Variants in CTNNBIP1 observed in about 807,000 individuals in gnomAD.
The protein encoded by CTNNBIP1 is catenin beta interacting protein 1.
A neutral mutation model predicts 11.8 loss-of-function variants in CTNNBIP1; 7 were observed. The observed-to-expected ratio is 0.60, with a 90% CI of 0.34 to 1.12. The LOEUF (loss-of-function observed/expected upper bound fraction) is 1.12, where lower values mean the gene tolerates loss of function less well. Among genes scored for constraint, CTNNBIP1 ranks in the 50% most tolerant of loss-of-function variants. The pLI is 0.03. For synonymous variants in CTNNBIP1, 58 were observed against 43.9 expected (o/e 1.32, Z -1.26); for missense variants, 101 against 113.4 (o/e 0.89, Z 0.50).
intron 1 of CTNNBIP1, among the ~76,000 whole-genome samples, chr1:9,899,809 C>T (rs985448185): frequency 2.6e-5 from 4 of 151,916 alleles, no homozygotes; most frequent in Non-Finnish European, 5.9e-5. Flanking sequence ...CATGGTGGCT[C>T]ACGCCTGTAA....
intron 1 of CTNNBIP1, among the ~76,000 whole-genome samples, chr1:9,903,947 C>T (rs1639571148): frequency 2.0e-5 from 3 of 152,188 alleles, no homozygotes; most frequent in Admixed American, 6.5e-5. Flanking sequence ...CCAACTAGCT[C>T]GACCTCAAAC....
rs538561556 is a variant in CTNNBIP1 at position 9,851,853 on chromosome 1, C to A, written c.188-1077G>T. ...CCACAACTGCCTGGGGAGTTAGGGG[C>A]TGACATGGCCAGGGAGGGGCTGTGG... On this transcript the variant is annotated intron_variant, in intron 5 of 5. Coordinates refer to ENST00000377263, the MANE Select transcript of CTNNBIP1 (RefSeq NM_020248.3). The surrounding 1 kb of genome is among the most constrained non-coding windows in gnomAD (Gnocchi z 4.8). Among the ~76,000 whole-genome samples the A allele has an allele frequency of 6.6e-6, 1 of 152,310 alleles. No individual in the cohort carries two copies. The highest frequency in any genetic ancestry group is 1.9e-4 in the East Asian group (1 of 5,184).
chr1:9,908,830 C>A (rs747171080), intron 1 of CTNNBIP1, among the ~76,000 whole-genome samples: 6 of 152,166 alleles, frequency 3.9e-5, no homozygotes, highest in Non-Finnish European at 7.4e-5. Flanking sequence ...CACTAAAGCC[C>A]CAGTACTTGG....
intron 1 of CTNNBIP1, among the ~76,000 whole-genome samples, chr1:9,909,208 CCAG>C (rs1469368141): frequency 6.6e-6 from 1 of 152,206 alleles, no homozygotes; most frequent in Non-Finnish European, 1.5e-5. Flanking sequence ...CTCAATTTAC[CCAG>C]CAGTTGGCCA....
intron 1 of CTNNBIP1, among the ~76,000 whole-genome samples, chr1:9,899,999 A>AGAGGTTG (rs1451118257): frequency 6.6e-6 from 1 of 151,000 alleles, no homozygotes; most frequent in East Asian, 2.0e-4. Flanking sequence ...CCTTGAACCC[A>AGAGGTTG]GGAGGCAGAG....
At chr1:9,891,739 C>T (rs911411386) in intron 1 of CTNNBIP1, among the ~76,000 whole-genome samples, 2 of 146,596 alleles carry the variant, frequency 1.4e-5, no homozygotes, top group African/African-American at 2.5e-5. Context: ...GCCTGGACTT[C>T]AAAACCAGCC....
chr1:9,899,237 C>T (rs1639473196), intron 1 of CTNNBIP1, among the ~76,000 whole-genome samples: 1 of 151,918 alleles, frequency 6.6e-6, no homozygotes, highest in Non-Finnish European at 1.5e-5. Context: ...AGGCAGATCA[C>T]CTAAGATCAG....
chr1:9,896,158 C>T lies in CTNNBIP1; in HGVS notation c.-143-12420G>A, dbSNP rs190506115. ...ATTAACATTTTTTAGAGTCCAGGAC[C>T]CTTGTCTTTAGGATGTTCCACAATC... On this transcript the variant is annotated intron_variant, in intron 1 of 5. Transcript: ENST00000377263. Among the ~76,000 whole-genome samples, 7 of 152,208 alleles carry T rather than the reference C, an allele frequency of 4.6e-5. No homozygotes were observed. The East Asian group carries it at 1.3e-3, about 29-fold the overall frequency.
intron 5 of CTNNBIP1, among the ~76,000 whole-genome samples, chr1:9,863,682 C>T (rs1025096383): frequency 6.6e-6 from 1 of 152,214 alleles, no homozygotes; most frequent in African/African-American, 2.4e-5. Context: ...GGGCTGCCAA[C>T]ATAAGGTGGT....
rs1200822144 is a variant in CTNNBIP1 at position 9,851,130 on chromosome 1, C to T, written c.188-354G>A. Among the ~76,000 whole-genome samples the T allele has an allele frequency of 6.6e-6, 1 of 152,164 alleles. No homozygotes were observed. The highest frequency in any genetic ancestry group is 6.5e-5 in the Admixed American group (1 of 15,286). The stretch of plus-strand genomic sequence containing the variant: ...GCTCCAGAGTTACCAAAGCCAGAGG[C>T]GGGGTGGCCCTTGGGAACCTCCCTC... On this transcript the variant is annotated intron_variant, in intron 5 of 5. Coordinates refer to ENST00000377263, the MANE Select transcript of CTNNBIP1 (RefSeq NM_020248.3). This position sits in a 1 kb window ranked among gnomAD's most constrained non-coding sequence, Gnocchi z 4.8.
intron 5 of CTNNBIP1, among the ~76,000 whole-genome samples, chr1:9,865,862 CCA>C (rs1638733455): frequency 6.6e-6 from 1 of 152,132 alleles, no homozygotes; most frequent in African/African-American, 2.4e-5. Flanking sequence ...TTAGAGGGAG[CCA>C]CACTGACCAT....
At chr1:9,860,939 G>C (rs1638613354) in intron 5 of CTNNBIP1, among the ~76,000 whole-genome samples, 1 of 152,228 alleles carries the variant, frequency 6.6e-6, no homozygotes, top group Non-Finnish European at 1.5e-5. Flanking sequence ...AGCTCCCTTT[G>C]TGAGTCACCA....
In CTNNBIP1 at chr1:9,888,183, C is replaced by T. The variant is rs186900273; in HGVS notation, c.-143-4445G>A. The stretch of plus-strand genomic sequence containing the variant: ...CAGTGGCTCATGCCTGTAATCCCAA[C>T]GCTTTGGGAGGCTGAGGTGGGAGTA... On this transcript the variant is annotated intron_variant, in intron 1 of 5. Coordinates refer to ENST00000377263, the MANE Select transcript of CTNNBIP1 (RefSeq NM_020248.3). Among the ~76,000 whole-genome samples, 707 of 152,040 alleles carry T rather than the reference C, an allele frequency of 4.7e-3. 8 individuals are homozygous for T. The highest frequency in any genetic ancestry group is 7.3e-3 in the South Asian group (35 of 4,808).
rs1205334481 is a variant in CTNNBIP1, at chr1:9,867,358, A to G, written c.187+3829T>C. The stretch of plus-strand genomic sequence containing the variant: ...AGCACCTGCCTGGCTCCCCATAGAT[A>G]CTCAACAAATGTGACCGAGGAAGGA... On this transcript the variant is annotated intron_variant, in intron 5 of 5. Transcript: ENST00000377263. The surrounding 1 kb of genome is among the most constrained non-coding windows in gnomAD (Gnocchi z 4.6). 6.6e-6 allele frequency among the ~76,000 whole-genome samples: 1 copy of G among 152,068 alleles called. No homozygotes were observed. The highest frequency in any genetic ancestry group is 1.5e-5 in the Non-Finnish European group (1 of 67,990).
In CTNNBIP1 at chr1:9,910,196, C is replaced by A. The variant is rs1240072919; in HGVS notation, c.-245G>T. On this transcript the variant is annotated 5_prime_UTR_variant, in exon 1 of 6. Coordinates refer to ENST00000377263, the MANE Select transcript of CTNNBIP1 (RefSeq NM_020248.3). ...TGCTCAGCCCGAGCAGCCGCTGCGG[C>A]GGCGGCAGTAGCAGCAGCAGGAGCG... The A allele has an allele frequency of 6.8e-6, 1 of 147,290 alleles. No homozygotes were observed. The highest frequency in any genetic ancestry group is 1.5e-5 in the Non-Finnish European group (1 of 66,088). The allele number at this position is 147,290 out of a possible 1,614,324, so 9.1% of individuals were successfully genotyped here. A position where few individuals can be genotyped will look rare whatever the true frequency, so the allele number is the denominator to read the frequency against.
intron 5 of CTNNBIP1, among the ~76,000 whole-genome samples, chr1:9,856,453 G>A (rs1638504250): frequency 6.7e-6 from 1 of 149,194 alleles, no homozygotes; most frequent in African/African-American, 2.5e-5. Context: ...CAGAATGAAA[G>A]AAAATGTTGA....
chr1:9,878,645 G>A (rs1639020207), intron 2 of CTNNBIP1, among the ~76,000 whole-genome samples: 1 of 152,142 alleles, frequency 6.6e-6, no homozygotes, highest in African/African-American at 2.4e-5. Context: ...TCCTACACAG[G>A]AGCTCATCGT....
At chr1:9,887,311 C>A (rs1639207354) in intron 1 of CTNNBIP1, among the ~76,000 whole-genome samples, 1 of 152,176 alleles carries the variant, frequency 6.6e-6, no homozygotes, top group Non-Finnish European at 1.5e-5. Context: ...TGCCTGAGGC[C>A]ATGGAGTAAT....
Position 9,902,908 on chromosome 1 carries a change from G to C in CTNNBIP1, c.-144+7187C>G, listed in dbSNP as rs533717649. On this transcript the variant is annotated intron_variant, in intron 1 of 5. Transcript: ENST00000377263. ...AGCCTCCCGAGTAGCTGGGACTACA[G>C]GTGCGTACCACCACGCCAGGCTAAT... Among the ~76,000 whole-genome samples the C allele has an allele frequency of 2.2e-3, 340 of 152,216 alleles. 4 individuals carry two copies. Among genetic ancestry groups the C allele is most frequent in the Non-Finnish European group, 3.0e-3 (204 of 68,018 alleles).
Sources: gnomAD v4.1 joint callset for allele counts (sites outside exome capture counted in the v4.1 genomes callset) on GRCh38, gnomAD v4.1.1 for gene constraint, Gnocchi (gnomAD v3.1) non-coding constraint, MANE v1.5 for transcripts, NCBI Gene and HGNC (gene_info 2026-07-23, HGNC 2026-07-21) for gene names.